TRMT61B: variants seen among roughly 807,000 people sequenced by gnomAD.
TRMT61B encodes the protein tRNA methyltransferase 61B, also known as tRNA (adenine(58)-N(1))-methyltransferase, mitochondrial.
TRMT61B carries 56 observed loss-of-function variants against 52.0 expected under a neutral mutation model. The ratio of observed to expected loss-of-function variants is 1.08; its 90% CI spans 0.87 to 1.35. The LOEUF is 1.35. Ranked by LOEUF, TRMT61B falls within the 40% of genes most tolerant of loss-of-function variation. The pLI is 0.00. For missense variants in TRMT61B, 650 were observed against 577.9 expected (o/e 1.12, Z -1.28); for synonymous variants, 206 against 220.0 (o/e 0.94, Z 0.56).
chr2:28,863,885 T>C (rs1669716240), intron 2 of TRMT61B, among the ~76,000 whole-genome samples: 2 of 152,128 alleles, frequency 1.3e-5, no homozygotes, highest in African/African-American at 2.4e-5. Flanking sequence ...AGCAGTCTAG[T>C]ATTATGTAGG....
intron 3 of TRMT61B, among the ~76,000 whole-genome samples, chr2:28,860,660 T>C (rs1669562702): frequency 6.6e-6 from 1 of 152,212 alleles, no homozygotes; most frequent in Non-Finnish European, 1.5e-5. Flanking sequence ...AACACCTCTG[T>C]CCTCGACATC....
intron 2 of TRMT61B, among the ~76,000 whole-genome samples, chr2:28,862,436 G>A (rs1057242517): frequency 1.0e-4 from 15 of 145,698 alleles, no homozygotes; most frequent in Non-Finnish European, 1.5e-4. Context: ...AGGCTCAAGC[G>A]ATCTTCCCAC....
Position 28,870,046 on chromosome 2 carries a change from C to G in TRMT61B, c.232G>C (p.Gly78Arg). 6.2e-7 allele frequency: 1 copy of G among 1,613,756 alleles called. No homozygotes were observed. The highest frequency in any genetic ancestry group is 1.1e-5 in the South Asian group (1 of 91,044). The change falls in exon 1 of 7, where the codon GGG (glycine) becomes CGG (arginine). Residue 78 changes from glycine to arginine, a missense_variant. Physicochemically the swap from Gly to Arg is moderately radical, Grantham distance 125. Transcript: ENST00000306108. ...TCCAGTGACGAAAGACATCCAGTCC[C>G]AATGTCCGAGATGCTCAGAGGGAGA... ...PSLPLSISDIGTGCLSSLENL... is the reference protein window; with the variant it reads ...PSLPLSISDIRTGCLSSLENL...
intron 3 of TRMT61B, among the ~76,000 whole-genome samples, chr2:28,858,731 G>A (rs1410041178): frequency 2.2e-5 from 3 of 135,720 alleles, no homozygotes; most frequent in Non-Finnish European, 4.6e-5. Context: ...GGAGGCGGAG[G>A]TTGCAGTGAG....
intron 2 of TRMT61B, 175 bp from the exon 3 acceptor site, chr2:28,861,483 G>A: frequency 3.5e-6 from 2 of 564,350 alleles, no homozygotes; most frequent in Non-Finnish European, 6.1e-6. Flanking sequence ...CTCTTCAGAG[G>A]CAACCACATT....
At position 28,869,963 on chromosome 2, in the gene TRMT61B, C is replaced by A. The variant is rs778312034; in HGVS notation, c.315G>T (p.Ser105=). Residue 105 remains serine (S), a synonymous_variant, in exon 1 of 7, where the codon TCG becomes TCT. Coordinates refer to ENST00000306108, the MANE Select transcript of TRMT61B (RefSeq NM_017910.4). ...GACCGCACCGGCCCTGGTCTCCGCT[C>A]GAGTCCTCGAGCTCTCGAGGGGATG... The part of the protein sequence containing the change: ...EESSPRELED[S]SGDQGRCGPT... The A allele has an allele frequency of 1.2e-6, 2 of 1,613,810 alleles. No individual in the cohort carries two copies. The highest frequency in any genetic ancestry group is 1.1e-5 in the South Asian group (1 of 91,072).
At chr2:28,850,998 A>G in intron 5 of TRMT61B, 74 bp downstream of exon 5, 1 of 906,476 alleles carries the variant, frequency 1.1e-6, no homozygotes, top group Non-Finnish European at 1.6e-6. Context: ...ATATTTTTAT[A>G]ATCTATTGGT....
chr2:28,851,364 T>C (rs1669089930), intron 4 of TRMT61B, 66 bp from the exon 5 acceptor site: 1 of 1,117,228 alleles, frequency 9.0e-7, no homozygotes, highest in African/African-American at 1.6e-5. Flanking sequence ...TTAAGTTCCC[T>C]ATACCTCTTG....
rs373075222 is a variant in TRMT61B at position 28,870,261 on chromosome 2, C to A, written c.17G>T (p.Cys6Phe). 18 of 1,593,078 alleles carry A rather than the reference C, an allele frequency of 1.1e-5. No individual in the cohort carries two copies. The African/African-American group carries it at 1.7e-4, about 15-fold the overall frequency. ...CAGGCACAGCAAGACAGGACCGCGG[C>A]ACCATGCCATTAGCATAGTGTTTCG... MLMAW[C>F]RGPVLLCLRQ... The change falls in exon 1 of 7, where the codon TGC (cysteine) becomes TTC (phenylalanine). Residue 6 changes from cysteine (C) to phenylalanine (F), a missense_variant. By Grantham distance (205) the Cys-to-Phe change is radical. Coordinates refer to ENST00000306108, the MANE Select transcript of TRMT61B (RefSeq NM_017910.4).
At chr2:28,858,446 A>G (rs913297154) in intron 3 of TRMT61B, among the ~76,000 whole-genome samples, 1 of 151,928 alleles carries the variant, frequency 6.6e-6, no homozygotes, top group African/African-American at 2.4e-5. Flanking sequence ...CAGGTTACAT[A>G]AAGGACTAGA....
At chr2:28,851,887 A>G (rs1437837479) in intron 4 of TRMT61B, among the ~76,000 whole-genome samples, 2 of 149,624 alleles carry the variant, frequency 1.3e-5, no homozygotes, top group Non-Finnish European at 3.0e-5. Context: ...TCAAAAAAAA[A>G]AAAAAAAAAA....
intron 3 of TRMT61B, among the ~76,000 whole-genome samples, chr2:28,855,731 G>A (rs1467874858): frequency 6.6e-6 from 1 of 152,174 alleles, no homozygotes; most frequent in Non-Finnish European, 1.5e-5. Flanking sequence ...CAGTTTGGGA[G>A]GCCGAGGCGG....
intron 3 of TRMT61B, among the ~76,000 whole-genome samples, chr2:28,860,395 C>T (rs1352203885): frequency 6.7e-6 from 1 of 149,000 alleles, no homozygotes; most frequent in East Asian, 2.1e-4. Flanking sequence ...AGAAAGACTC[C>T]TAACCAAGGC....
intron 2 of TRMT61B, among the ~76,000 whole-genome samples, chr2:28,864,399 TAG>T (rs890567779): frequency 6.6e-6 from 1 of 151,996 alleles, no homozygotes; most frequent in Non-Finnish European, 1.5e-5. Context: ...GTGATTTAAA[TAG>T]AGAGTATTAT....
chr2:28,862,046 A>C (rs764551406), intron 2 of TRMT61B: 3 of 151,956 alleles, frequency 2.0e-5, no homozygotes, highest in Non-Finnish European at 4.4e-5. Context: ...TACTAAAAAA[A>C]ATACAAAAAA....
chr2:28,855,784 C>G lies in TRMT61B; in HGVS notation c.994-3285G>C, dbSNP rs543219616. ...AGGAGTTCGAGGCCAACCTGGCCAA[C>G]ATGGTGAAACCCTGTCTCTACTAAA... is the stretch of plus-strand genomic sequence containing the variant. On this transcript the variant is annotated intron_variant, in intron 3 of 6. Coordinates refer to ENST00000306108, the MANE Select transcript of TRMT61B (RefSeq NM_017910.4). Among the ~76,000 whole-genome samples, 3 of 152,250 alleles carry G rather than the reference C, an allele frequency of 2.0e-5. No individual in the cohort carries two copies. The East Asian group carries it at 5.8e-4, about 29-fold the overall frequency.
intron 2 of TRMT61B, among the ~76,000 whole-genome samples, chr2:28,862,984 T>G (rs1217411238): frequency 6.6e-6 from 1 of 151,382 alleles, no homozygotes; most frequent in Non-Finnish European, 1.5e-5. Context: ...GCAATTAACT[T>G]TCCACCCACC....
chr2:28,862,435 C>G (rs565391846), intron 2 of TRMT61B, among the ~76,000 whole-genome samples: 2 of 147,528 alleles, frequency 1.4e-5, no homozygotes, highest in African/African-American at 2.5e-5. Context: ...CAGGCTCAAG[C>G]GATCTTCCCA....
intron 2 of TRMT61B, among the ~76,000 whole-genome samples, chr2:28,862,894 G>A (rs1177739869): frequency 6.7e-5 from 10 of 148,938 alleles, no homozygotes; most frequent in Non-Finnish European, 1.0e-4. Context: ...GTGTGTGTGT[G>A]TGTGTATGTG....
Sources: allele counts gnomAD v4.1 joint callset (sites outside exome capture counted in the v4.1 genomes callset), GRCh38; gene constraint gnomAD v4.1.1; transcripts MANE v1.5; gene names NCBI Gene and HGNC (gene_info 2026-07-23, HGNC 2026-07-21).